SNX24: variants seen among roughly 807,000 people sequenced by gnomAD.
SNX24 encodes the protein sorting nexin 24.
A neutral mutation model predicts 28.7 loss-of-function variants in SNX24; 22 were observed. That is an observed-to-expected ratio of 0.77 (90% CI 0.55 to 1.10). The LOEUF (loss-of-function observed/expected upper bound fraction) is 1.10. Ranked by LOEUF, SNX24 falls within the 50% of genes least tolerant of loss-of-function variation. The pLI is 0.00. For synonymous variants in SNX24, 69 were observed against 71.5 expected, an observed-to-expected ratio of 0.96 and a Z score of 0.18; for missense variants, 221 against 201.1, an observed-to-expected ratio of 1.10 and a Z score of -0.60.
At chr5:122,884,256 T>TTC (rs1554069244) in intron 1 of SNX24, among the ~76,000 whole-genome samples, 4 of 143,012 alleles carry the variant, frequency 2.8e-5, no homozygotes, top group Admixed American at 6.9e-5. Flanking sequence ...TTTTTCTTTT[T>TTC]TTTTTTTTTT....
rs544367199 is a variant in SNX24 at position 122,975,076 on chromosome 5, T to G, written c.250-24836T>G. Among the ~76,000 whole-genome samples the G allele has an allele frequency of 2.0e-5, 3 of 152,328 alleles. No homozygotes were observed. In the East Asian group the frequency reaches 5.8e-4, roughly 29 times the overall value. On this transcript the variant is annotated intron_variant, in intron 3 of 6. Transcript: ENST00000261369. ...CTCTGGAATCAATGTCAGCTCAGAC[T>G]TTTCTTGATTCTCCACATCCAGGTG...
At position 122,999,545 on chromosome 5, in the gene SNX24, C is replaced by T. The variant is rs141143557; in HGVS notation, c.250-367C>T. ...AGAAAATTTGATATACATATCTTAA[C>T]AGTATTATTGATGTTGCCAGGTTTT... On this transcript the variant is annotated intron_variant, in intron 3 of 6. Coordinates refer to ENST00000261369, the MANE Select transcript of SNX24 (RefSeq NM_014035.4). Among the ~76,000 whole-genome samples, 23 of 152,146 alleles carry T rather than the reference C, an allele frequency of 1.5e-4. No homozygotes were observed. In the East Asian group the frequency reaches 4.4e-3, roughly 29 times the overall value.
chr5:122,968,521 A>G (rs1760812359), intron 3 of SNX24, among the ~76,000 whole-genome samples: 1 of 152,144 alleles, frequency 6.6e-6, no homozygotes, highest in African/African-American at 2.4e-5. Context: ...ACCAAATCTC[A>G]TCAGGAAATC....
Position 122,845,708 on chromosome 5 carries a change from C to A in SNX24, c.60+15C>A. On this transcript the variant is annotated intron_variant, in intron 1 of 6. Coordinates refer to ENST00000261369, the MANE Select transcript of SNX24 (RefSeq NM_014035.4). Reference sequence around the variant, plus strand: ...GGGGATACACGGTAGGCGCGGGCCGCGGGCGGACAGGGCCCCGCGAGCCAG... The same window carrying A: ...GGGGATACACGGTAGGCGCGGGCCGAGGGCGGACAGGGCCCCGCGAGCCAG... The A allele has an allele frequency of 7.3e-7, 1 of 1,367,760 alleles. No individual in the cohort carries two copies. Among genetic ancestry groups the A allele is most frequent in the Non-Finnish European group, 9.5e-7 (1 of 1,049,772 alleles). The allele number at this position is 1,367,760 out of a possible 1,614,324, so 84.7% of individuals were successfully genotyped here. A position where few individuals can be genotyped will look rare whatever the true frequency, so the allele number is the denominator to read the frequency against.
At chr5:122,868,295 C>G (rs1755810705) in intron 1 of SNX24, among the ~76,000 whole-genome samples, 1 of 152,046 alleles carries the variant, frequency 6.6e-6, no homozygotes, top group African/African-American at 2.4e-5. Flanking sequence ...CTGATCATGC[C>G]CAACTTTATA....
intron 1 of SNX24, among the ~76,000 whole-genome samples, chr5:122,876,013 T>C (rs922157740): frequency 6.6e-6 from 1 of 152,222 alleles, no homozygotes; most frequent in Admixed American, 6.5e-5. Flanking sequence ...TCTGGCTAAT[T>C]TTTGTATTTT....
intron 1 of SNX24, among the ~76,000 whole-genome samples, chr5:122,889,100 G>A (rs1326790679): frequency 1.3e-5 from 2 of 152,102 alleles, no homozygotes; most frequent in Admixed American, 6.6e-5. Context: ...TGATCTGCCC[G>A]CCTTGGCCTC....
intron 1 of SNX24, among the ~76,000 whole-genome samples, chr5:122,914,557 A>G (rs945268505): frequency 6.6e-6 from 1 of 151,140 alleles, no homozygotes; most frequent in Non-Finnish European, 1.5e-5. Flanking sequence ...GCTATTGATT[A>G]TTGCCACAAT....
At chr5:122,916,324 G>A (rs958233788) in intron 1 of SNX24, among the ~76,000 whole-genome samples, 1 of 152,138 alleles carries the variant, frequency 6.6e-6, no homozygotes, top group African/African-American at 2.4e-5. Flanking sequence ...TCTGCTTTTT[G>A]TTTCCAGCCC....
chr5:122,912,785 G>C (rs1053217842), intron 1 of SNX24, among the ~76,000 whole-genome samples: 25 of 151,346 alleles, frequency 1.7e-4, no homozygotes, highest in Non-Finnish European at 2.9e-4. Context: ...TAGCAGAGGG[G>C]GATTTGGCAG....
intron 5 of SNX24, among the ~76,000 whole-genome samples, chr5:123,019,906 G>T (rs1239223924): frequency 1.3e-5 from 2 of 152,230 alleles, no homozygotes; most frequent in African/African-American, 4.8e-5. Flanking sequence ...TGGTGTACAA[G>T]AAATAAACTG....
chr5:122,895,770 A>C (rs1448968926), intron 1 of SNX24, among the ~76,000 whole-genome samples: 2 of 152,218 alleles, frequency 1.3e-5, no homozygotes, highest in African/African-American at 2.4e-5. Flanking sequence ...CCATAATAGG[A>C]CTGTTTTCAA....
intron 3 of SNX24, among the ~76,000 whole-genome samples, chr5:122,950,490 T>C (rs1278787912): frequency 2.6e-5 from 4 of 152,228 alleles, no homozygotes; most frequent in Non-Finnish European, 5.9e-5. Context: ...AGGCTTCATC[T>C]GGCCCCCATA....
intron 5 of SNX24, chr5:123,023,787 A>C: frequency 2.2e-6 from 3 of 1,366,726 alleles, no homozygotes; most frequent in Non-Finnish European, 2.9e-6. Context: ...AAAAAAAAGC[A>C]AATAATTGAA....
At chr5:122,928,622 G>A (rs574557699) in intron 1 of SNX24, among the ~76,000 whole-genome samples, 122 of 151,964 alleles carry the variant, frequency 8.0e-4, no homozygotes, top group South Asian at 5.2e-3. Flanking sequence ...CAAAAAGGTG[G>A]GGGCCTCAGT....
intron 2 of SNX24, among the ~76,000 whole-genome samples, chr5:122,937,061 G>A (rs1759210448): frequency 6.6e-6 from 1 of 152,180 alleles, no homozygotes; most frequent in African/African-American, 2.4e-5. Flanking sequence ...CAAGCTGTTT[G>A]CAGTATGTTG....
chr5:122,958,303 G>T (rs1287226225), intron 3 of SNX24, among the ~76,000 whole-genome samples: 1 of 151,840 alleles, frequency 6.6e-6, no homozygotes, highest in Non-Finnish European at 1.5e-5. Flanking sequence ...GCCCAGGCTG[G>T]AATGCAATGG....
At chr5:122,979,317 C>G (rs931749435) in intron 3 of SNX24, among the ~76,000 whole-genome samples, 2 of 152,218 alleles carry the variant, frequency 1.3e-5, no homozygotes, top group Admixed American at 6.5e-5. Context: ...ATGGCTTACA[C>G]TTTGGTTCTG....
In SNX24 at chr5:122,997,726, G is replaced by A. The variant is rs980107474; in HGVS notation, c.250-2186G>A. ...AATTAAGTAGTTCAGGTCATTAAAA[G>A]TGTCCCACACTTGTTATTGATTTAA... On this transcript the variant is annotated intron_variant, in intron 3 of 6. Coordinates refer to ENST00000261369, the MANE Select transcript of SNX24 (RefSeq NM_014035.4). 3.9e-4 allele frequency among the ~76,000 whole-genome samples: 59 copies of A among 152,198 alleles called. 1 individual carries two copies. The highest frequency in any genetic ancestry group is 1.5e-4 in the Non-Finnish European group (10 of 68,038).
Sources: allele counts gnomAD v4.1 joint callset (sites outside exome capture counted in the v4.1 genomes callset), GRCh38; gene constraint gnomAD v4.1.1; transcripts MANE v1.5; gene names NCBI Gene and HGNC (gene_info 2026-07-23, HGNC 2026-07-21).